The following DLG1 variants were observed in gnomAD, a reference collection of about 807,000 sequenced individuals.
DLG1 encodes the protein discs large MAGUK scaffold protein 1.
In DLG1, 42 loss-of-function variants were observed where a neutral mutation model predicts 123.4. The ratio of observed to expected loss-of-function variants is 0.34; its 90% CI spans 0.27 to 0.44. The LOEUF (loss-of-function observed/expected upper bound fraction) is 0.44, where lower values mean the gene tolerates loss of function less well. Ranked by LOEUF, DLG1 falls within the 20% of genes least tolerant of loss-of-function variation. The probability of loss-of-function intolerance (pLI) is 1.00; values close to 1 mark genes in which losing one functional copy is unlikely to be tolerated. For missense variants in DLG1, 942 were observed against 1,082.6 expected (o/e 0.87, Z 1.82); for synonymous variants, 317 against 356.2 (o/e 0.89, Z 1.24).
chr3:197,106,825 A>C (rs574269222), intron 13 of DLG1, among the ~76,000 whole-genome samples: 101 of 152,328 alleles, frequency 6.6e-4, no homozygotes, highest in Non-Finnish European at 1.1e-3. Context: ...AAATAGCCTT[A>C]GAGTCACTTT....
intron 4 of DLG1, among the ~76,000 whole-genome samples, chr3:197,199,685 C>T (rs1325899011): frequency 6.6e-6 from 1 of 152,162 alleles, no homozygotes; most frequent in Non-Finnish European, 1.5e-5. Context: ...CATTACATTA[C>T]ACAGCAATAT....
At chr3:197,045,571 T>C (rs1470081391) in intron 24 of DLG1, among the ~76,000 whole-genome samples, 1 of 134,904 alleles carries the variant, frequency 7.4e-6, no homozygotes, top group Non-Finnish European at 1.7e-5. Flanking sequence ...TGAGACCCTG[T>C]GTATTTAAAA....
At chr3:197,047,164 T>C (rs1253576249) in intron 24 of DLG1, among the ~76,000 whole-genome samples, 3 of 152,180 alleles carry the variant, frequency 2.0e-5, no homozygotes, top group African/African-American at 7.2e-5. Flanking sequence ...ATGAGACATA[T>C]AATTATTAAA....
At chr3:197,207,018 A>T (rs1295362059) in intron 4 of DLG1, among the ~76,000 whole-genome samples, 1 of 152,220 alleles carries the variant, frequency 6.6e-6, no homozygotes, top group Non-Finnish European at 1.5e-5. Flanking sequence ...GTTGTAGTGG[A>T]ACACAGCCAC....
intron 22 of DLG1, among the ~76,000 whole-genome samples, chr3:197,061,480 AAG>A (rs1735760799): frequency 6.6e-6 from 1 of 152,190 alleles, no homozygotes; most frequent in African/African-American, 2.4e-5. Flanking sequence ...CTTATTGGAA[AAG>A]AGTAAAAAAA....
intron 5 of DLG1, among the ~76,000 whole-genome samples, chr3:197,187,873 A>G (rs1053293918): frequency 6.6e-6 from 1 of 152,054 alleles, no homozygotes; most frequent in Admixed American, 6.6e-5. Context: ...TATATCCCCT[A>G]TTTCTTTCTT....
In DLG1 at chr3:197,248,019, C is replaced by T. The variant is rs549178188; in HGVS notation, c.318+34660G>A. Among the ~76,000 whole-genome samples, 269 of 152,156 alleles carry T rather than the reference C, an allele frequency of 1.8e-3. 1 individual carries two copies. The highest frequency in any genetic ancestry group is 6.0e-3 in the African/African-American group (247 of 41,498). On this transcript the variant is annotated intron_variant, in intron 4 of 24. Transcript: ENST00000667157. ...GACTTTGACTCCTTTATAGGAGGGC[C>T]GCCATCAGAAGCCATATGAGGTGAC...
chr3:197,268,166 T>A (rs568993497), intron 4 of DLG1, among the ~76,000 whole-genome samples: 79 of 152,268 alleles, frequency 5.2e-4, no homozygotes, highest in African/African-American at 1.8e-3. Context: ...AAAATAGTAA[T>A]AAGCACAGAT....
chr3:197,293,243 TTTGTTAAGATACAAC>T (rs1445070514), intron 3 of DLG1, among the ~76,000 whole-genome samples: 1 of 152,222 alleles, frequency 6.6e-6, no homozygotes, highest in African/African-American at 2.4e-5. Context: ...TTCATGGACT[TTTGTTAAGATACAAC>T]TTTAAATATT....
intron 4 of DLG1, among the ~76,000 whole-genome samples, chr3:197,207,691 T>A (rs1031264425): frequency 6.6e-6 from 1 of 152,080 alleles, no homozygotes; most frequent in African/African-American, 2.4e-5. Flanking sequence ...GAAACAAAGA[T>A]GAAAATCGGC....
At position 197,148,245 on chromosome 3, in the gene DLG1, C is replaced by CAAA. The variant is rs1300222676; in HGVS notation, c.537+1495_537+1497dup. ...TAAAACCCCATCTCTACCAAAAATA[C>CAAA]AAAAAAAAAAAAAAAATAGCCAGTC... is the stretch of plus-strand genomic sequence containing the variant. On this transcript the variant is annotated intron_variant, in intron 6 of 24. Coordinates refer to ENST00000667157, the MANE Select transcript of DLG1 (RefSeq NM_001366207.1). Among the ~76,000 whole-genome samples, 49 of 43,286 alleles carry CAAA rather than the reference C, an allele frequency of 1.1e-3. 3 individuals carry two copies. The highest frequency in any genetic ancestry group is 4.3e-3 in the Admixed American group (12 of 2,802). 28.4% of individuals were successfully genotyped at this position (43,286 alleles called of 152,430 possible).
rs571940796 is a variant in DLG1, at chr3:197,118,713, A to T, written c.1286+697T>A. ...AAAGATCTACAATGCTTTTTCACCA[A>T]TTTTTTTCTACCTCATTAGAATTCT... On this transcript the variant is annotated intron_variant, in intron 12 of 24. Coordinates refer to ENST00000667157, the MANE Select transcript of DLG1 (RefSeq NM_001366207.1). Among the ~76,000 whole-genome samples the T allele has an allele frequency of 7.0e-3, 1,061 of 152,204 alleles. 9 individuals are homozygous for T. The highest frequency in any genetic ancestry group is 0.012 in the Non-Finnish European group (798 of 68,002).
chr3:197,246,035 G>A (rs1253168118), intron 4 of DLG1, among the ~76,000 whole-genome samples: 2 of 152,040 alleles, frequency 1.3e-5, no homozygotes, highest in Admixed American at 1.3e-4. Context: ...CTACCCTGAA[G>A]GCATACTTGG....
At chr3:197,102,340 ATCTG>A (rs1763939680) in intron 14 of DLG1, among the ~76,000 whole-genome samples, 1 of 152,164 alleles carries the variant, frequency 6.6e-6, no homozygotes, top group Non-Finnish European at 1.5e-5. Flanking sequence ...CTTTGTCTCT[ATCTG>A]TCTGTCTTGT....
At chr3:197,058,687 G>A (rs1733604115) in intron 23 of DLG1, among the ~76,000 whole-genome samples, 1 of 152,182 alleles carries the variant, frequency 6.6e-6, no homozygotes, top group Admixed American at 6.5e-5. Flanking sequence ...GATGATGAGT[G>A]CAGTGTTTAA....
At chr3:197,183,093 A>C (rs1429267351) in intron 5 of DLG1, among the ~76,000 whole-genome samples, 2 of 152,206 alleles carry the variant, frequency 1.3e-5, no homozygotes, top group African/African-American at 4.8e-5. Flanking sequence ...AGTATATATA[A>C]TACTAGCCAA....
chr3:197,287,972 G>A (rs746423395), intron 3 of DLG1, among the ~76,000 whole-genome samples: 1 of 152,032 alleles, frequency 6.6e-6, no homozygotes, highest in Non-Finnish European at 1.5e-5. Flanking sequence ...TAAGAATATA[G>A]TAAAGAATTG....
chr3:197,125,069 A>G (rs1283984652), intron 11 of DLG1, among the ~76,000 whole-genome samples: 1 of 152,186 alleles, frequency 6.6e-6, no homozygotes, highest in Non-Finnish European at 1.5e-5. Context: ...AACACAAGTG[A>G]AAGTCGAGTT....
At chr3:197,168,103 T>A (rs1344709162) in intron 5 of DLG1, among the ~76,000 whole-genome samples, 1 of 152,224 alleles carries the variant, frequency 6.6e-6, no homozygotes, top group East Asian at 1.9e-4. Flanking sequence ...AATCCTTTAA[T>A]GTTACATTTT....
Sources: allele counts gnomAD v4.1 joint callset (sites outside exome capture counted in the v4.1 genomes callset), GRCh38; gene constraint gnomAD v4.1.1; transcripts MANE v1.5; gene names NCBI Gene and HGNC (gene_info 2026-07-23, HGNC 2026-07-21).